BCL11B: variants seen among roughly 807,000 people sequenced by gnomAD.
BCL11B encodes the protein BCL11 transcription factor B, also known as B-cell lymphoma/leukemia 11B.
BCL11B carries 8 observed loss-of-function variants against 49.9 expected under a neutral mutation model. The ratio of observed to expected loss-of-function variants is 0.16; its 90% CI spans 0.09 to 0.29. BCL11B has a LOEUF of 0.29. BCL11B is among the 10% of genes least tolerant of loss of function. BCL11B has a pLI of 1.00. For synonymous variants in BCL11B, 739 were observed against 637.4 expected (o/e 1.16, Z -2.40); for missense variants, 1,006 against 1,351.0 (o/e 0.74, Z 4.00).
chr14:99,242,415 G>T lies in BCL11B; in HGVS notation c.428-10858C>A, dbSNP rs1888698460. Among the ~76,000 whole-genome samples, 1 of 152,168 alleles carries T rather than the reference G, an allele frequency of 6.6e-6. No individual in the cohort carries two copies. Among genetic ancestry groups the T allele is most frequent in the Non-Finnish European group, 1.5e-5 (1 of 68,030 alleles). ...GGAATATCACGGCCTTCCTTGCCCA[G>T]CCTTGCATGCCCACGTGGAATTTAC... is the stretch of plus-strand genomic sequence containing the variant. On this transcript the variant is annotated intron_variant, in intron 2 of 3. Transcript: ENST00000357195. This position sits in a 1 kb window ranked among gnomAD's most constrained non-coding sequence, Gnocchi z 4.4.
At chr14:99,233,497 A>C (rs2139896500) in intron 2 of BCL11B, among the ~76,000 whole-genome samples, 1 of 152,296 alleles carries the variant, frequency 6.6e-6, no homozygotes, top group African/African-American at 2.4e-5. Flanking sequence ...GGAAGCTGCA[A>C]AGGCCAAACC....
Position 99,231,201 on chromosome 14 carries a change from T to C in BCL11B, c.640+144A>G, listed in dbSNP as rs1334325440. On this transcript the variant is annotated intron_variant, in intron 3 of 3. Coordinates refer to ENST00000357195, the MANE Select transcript of BCL11B (RefSeq NM_138576.4). This position sits in a 1 kb window ranked among gnomAD's most constrained non-coding sequence, Gnocchi z 8.1. ...CCCTGGCTCATAGTTCAGCGAACAT[T>C]CTTTACCACTTCCCCTGGCACCCCA... 2 of 910,844 alleles carry C rather than the reference T, an allele frequency of 2.2e-6. No individual in the cohort carries two copies. The highest frequency in any genetic ancestry group is 3.3e-6 in the Non-Finnish European group (2 of 614,476). 56.4% of individuals were successfully genotyped at this position (910,844 alleles called of 1,614,324 possible). A position where few individuals can be genotyped will look rare whatever the true frequency, so the allele number is the denominator to read the frequency against.
At chr14:99,256,067 C>T (rs1474929465) in intron 2 of BCL11B, among the ~76,000 whole-genome samples, 2 of 152,202 alleles carry the variant, frequency 1.3e-5, no homozygotes, top group Non-Finnish European at 2.9e-5. Context: ...TGAGGCTCAG[C>T]ATCACAAAGC....
chr14:99,177,056 G>C (rs1373805489), intron 3 of BCL11B, among the ~76,000 whole-genome samples: 1 of 152,108 alleles, frequency 6.6e-6, no homozygotes, highest in Admixed American at 6.5e-5. Flanking sequence ...CCTAGGAACA[G>C]AAAAAATTTA....
rs543230254 is a variant in BCL11B, at chr14:99,228,506, C to T, written c.640+2839G>A. ...AGAGCAGGCCCCTTAGAAGGGTCTC[C>T]TGGAGCAGTCCTAGGGGCTCAGCCT... On this transcript the variant is annotated intron_variant, in intron 3 of 3. Coordinates refer to ENST00000357195, the MANE Select transcript of BCL11B (RefSeq NM_138576.4). The surrounding 1 kb of genome is among the most constrained non-coding windows in gnomAD (Gnocchi z 4.8). Among the ~76,000 whole-genome samples the T allele has an allele frequency of 2.2e-3, 334 of 152,256 alleles. 2 individuals carry two copies. Among genetic ancestry groups the T allele is most frequent in the Admixed American group, 4.1e-3 (63 of 15,288 alleles).
intron 2 of BCL11B, among the ~76,000 whole-genome samples, chr14:99,251,545 T>C (rs1889007880): frequency 6.6e-6 from 1 of 152,162 alleles, no homozygotes; most frequent in Non-Finnish European, 1.5e-5. Context: ...CAACAGTGAA[T>C]ATAAAATAAA....
chr14:99,210,035 G>A (rs185856048), intron 3 of BCL11B, among the ~76,000 whole-genome samples: 6 of 152,068 alleles, frequency 3.9e-5, no homozygotes, highest in Admixed American at 2.0e-4. Context: ...TTCCTCTGAG[G>A]AAAGTCATGC....
rs955474693 is a variant in BCL11B, at chr14:99,194,877, C to T, written c.641-18682G>A. On this transcript the variant is annotated intron_variant, in intron 3 of 3. Coordinates refer to ENST00000357195, the MANE Select transcript of BCL11B (RefSeq NM_138576.4). This position sits in a 1 kb window ranked among gnomAD's most constrained non-coding sequence, Gnocchi z 4.6. ...TGGTCAGTCCTTACCACGATCCCAT[C>T]TTACCTCAGCTCCCAAGTGCAGAAG... 6.6e-6 allele frequency among the ~76,000 whole-genome samples: 1 copy of T among 152,200 alleles called. No homozygotes were observed. The highest frequency in any genetic ancestry group is 1.5e-5 in the Non-Finnish European group (1 of 68,036).
At chr14:99,229,547 G>A (rs1888267792) in intron 3 of BCL11B, among the ~76,000 whole-genome samples, 1 of 152,192 alleles carries the variant, frequency 6.6e-6, no homozygotes, top group African/African-American at 2.4e-5. Flanking sequence ...TGCAAAATGG[G>A]GATGGTAACA....
At chr14:99,266,544 A>G (rs1265797339) in intron 1 of BCL11B, among the ~76,000 whole-genome samples, 1 of 152,284 alleles carries the variant, frequency 6.6e-6, no homozygotes, top group African/African-American at 2.4e-5. Flanking sequence ...ATCAATGGCG[A>G]TAGCTTGAAA....
chr14:99,214,204 A>G (rs2139848750), intron 3 of BCL11B, among the ~76,000 whole-genome samples: 1 of 152,286 alleles, frequency 6.6e-6, no homozygotes, highest in Non-Finnish European at 1.5e-5. Context: ...GGGACACTCC[A>G]GCCTACTGCC....
At chr14:99,187,435 G>A (rs918309448) in intron 3 of BCL11B, among the ~76,000 whole-genome samples, 1 of 152,130 alleles carries the variant, frequency 6.6e-6, no homozygotes, top group African/African-American at 2.4e-5. Context: ...TGCTTTCTGT[G>A]AACTTCCCTG....
chr14:99,200,493 C>G (rs943107642), intron 3 of BCL11B, among the ~76,000 whole-genome samples: 6 of 152,258 alleles, frequency 3.9e-5, no homozygotes, highest in East Asian at 1.9e-4. Flanking sequence ...TCTGGAAGCC[C>G]TCCAACCACG....
intron 1 of BCL11B, among the ~76,000 whole-genome samples, chr14:99,270,089 T>G (rs1889617789): frequency 6.6e-6 from 1 of 151,722 alleles, no homozygotes; most frequent in South Asian, 2.1e-4. Context: ...CCGCTCGCGC[T>G]CGCTTTTCCC....
chr14:99,270,507 C>G (rs1889635742), intron 1 of BCL11B, among the ~76,000 whole-genome samples: 1 of 151,970 alleles, frequency 6.6e-6, no homozygotes, highest in African/African-American at 2.4e-5. Context: ...GGCTTGAGCC[C>G]GGCAAACAGC....
At chr14:99,178,919 T>C (rs1886617379) in intron 3 of BCL11B, among the ~76,000 whole-genome samples, 1 of 152,168 alleles carries the variant, frequency 6.6e-6, no homozygotes, top group Admixed American at 6.5e-5. Context: ...ATCATCTCTG[T>C]TTCCCTGGGA....
In BCL11B at chr14:99,173,981, G is replaced by C. The variant is rs1886377982; in HGVS notation, c.*170C>G. 3.2e-6 allele frequency: 2 copies of C among 626,870 alleles called. No individual in the cohort carries two copies. The highest frequency in any genetic ancestry group is 5.5e-5 in the East Asian group (2 of 36,372). The allele number at this position is 626,870 out of a possible 1,614,324, so 38.8% of individuals were successfully genotyped here. ...ATTTGTACTGCCTTAATCAACCCTC[G>C]GGTTTCCATAGGACTTCGCAGACAC... On this transcript the variant is annotated 3_prime_UTR_variant, in exon 4 of 4. Coordinates refer to ENST00000357195, the MANE Select transcript of BCL11B (RefSeq NM_138576.4).
rs892561295 is a variant in BCL11B, at chr14:99,194,107, G to A, written c.641-17912C>T. ...AAGGAATGGGAATGTCGTGAGAAAC[G>A]TGCATGACCCCACACATGAATTCTC... On this transcript the variant is annotated intron_variant, in intron 3 of 3. Transcript: ENST00000357195. This position sits in a 1 kb window ranked among gnomAD's most constrained non-coding sequence, Gnocchi z 4.6. Among the ~76,000 whole-genome samples the A allele has an allele frequency of 3.9e-5, 6 of 152,146 alleles. No individual in the cohort carries two copies. The highest frequency in any genetic ancestry group is 6.5e-5 in the Admixed American group (1 of 15,282).
intron 2 of BCL11B, among the ~76,000 whole-genome samples, chr14:99,253,618 C>T (rs1022703572): frequency 6.6e-6 from 1 of 152,126 alleles, no homozygotes. Context: ...CTGACTCGGG[C>T]TGTGTTCTTT....
Sources: gnomAD v4.1 joint callset for allele counts (sites outside exome capture counted in the v4.1 genomes callset) on GRCh38, gnomAD v4.1.1 for gene constraint, Gnocchi (gnomAD v3.1) non-coding constraint, MANE v1.5 for transcripts, NCBI Gene and HGNC (gene_info 2026-07-23, HGNC 2026-07-21) for gene names.